FCHSD2: variants seen among roughly 807,000 people sequenced by gnomAD.
FCHSD2 encodes the protein F-BAR and double SH3 domains protein 2.
In FCHSD2, 38 loss-of-function variants were observed where a neutral mutation model predicts 108.1. The ratio of observed to expected loss-of-function variants is 0.35; its 90% CI spans 0.27 to 0.46. The LOEUF (loss-of-function observed/expected upper bound fraction) is 0.46. FCHSD2 is among the 20% of genes least tolerant of loss of function. FCHSD2 has a pLI of 1.00. For missense variants in FCHSD2, 751 were observed against 897.8 expected (o/e 0.84, Z 2.09); for synonymous variants, 279 against 314.7 (o/e 0.89, Z 1.20).
intron 8 of FCHSD2, among the ~76,000 whole-genome samples, chr11:72,958,402 C>T (rs1387447064): frequency 1.3e-5 from 2 of 152,074 alleles, no homozygotes; most frequent in Non-Finnish European, 2.9e-5. Flanking sequence ...CCTGTAGTAC[C>T]AGGTATTTGG....
chr11:72,953,197 G>T (rs535238260), intron 8 of FCHSD2, among the ~76,000 whole-genome samples: 3 of 152,346 alleles, frequency 2.0e-5, no homozygotes, highest in African/African-American at 7.2e-5. Flanking sequence ...CATTCTTTGA[G>T]AAATGGTCTT....
At chr11:72,983,498 A>G (rs1170135916) in intron 8 of FCHSD2, among the ~76,000 whole-genome samples, 1 of 152,030 alleles carries the variant, frequency 6.6e-6, no homozygotes, top group Non-Finnish European at 1.5e-5. Flanking sequence ...AAGCTTCATA[A>G]TTATCATTAG....
chr11:73,135,856 A>G (rs568468753), intron 2 of FCHSD2, among the ~76,000 whole-genome samples: 7 of 152,300 alleles, frequency 4.6e-5, no homozygotes, highest in African/African-American at 1.7e-4. Flanking sequence ...ATTCCAAAAG[A>G]TAAGAACTGG....
At chr11:72,896,398 C>T (rs368035510) in intron 10 of FCHSD2, among the ~76,000 whole-genome samples, 2 of 152,194 alleles carry the variant, frequency 1.3e-5, no homozygotes, top group African/African-American at 2.4e-5. Context: ...ATCCCAGCTT[C>T]GCTTTGTCCT....
intron 3 of FCHSD2, among the ~76,000 whole-genome samples, chr11:73,024,397 T>G (rs1166176475): frequency 1.3e-5 from 2 of 152,178 alleles, no homozygotes. Flanking sequence ...ATAAACATTG[T>G]ACACTAGTTG....
intron 2 of FCHSD2, among the ~76,000 whole-genome samples, chr11:73,132,502 T>C (rs1177397630): frequency 6.6e-6 from 1 of 152,094 alleles, no homozygotes; most frequent in Non-Finnish European, 1.5e-5. Context: ...CCATTACCAG[T>C]GGTTCTCAAA....
chr11:72,947,808 A>G (rs1245602734), intron 8 of FCHSD2, among the ~76,000 whole-genome samples: 1 of 152,240 alleles, frequency 6.6e-6, no homozygotes, highest in Non-Finnish European at 1.5e-5. Context: ...ATCACAGGTA[A>G]TCTCACATAA....
At chr11:72,917,779 T>C (rs1271418419) in intron 9 of FCHSD2, among the ~76,000 whole-genome samples, 1 of 152,094 alleles carries the variant, frequency 6.6e-6, no homozygotes, top group Non-Finnish European at 1.5e-5. Context: ...TTCTAGCTAC[T>C]TGGGATGCTG....
chr11:72,951,898 T>C (rs1345099597), intron 8 of FCHSD2, among the ~76,000 whole-genome samples: 1 of 152,200 alleles, frequency 6.6e-6, no homozygotes, highest in Non-Finnish European at 1.5e-5. Context: ...CCATAAAACT[T>C]AGGGAAAATC....
At chr11:72,954,759 T>C (rs1469265160) in intron 8 of FCHSD2, among the ~76,000 whole-genome samples, 1 of 151,914 alleles carries the variant, frequency 6.6e-6, no homozygotes, top group Non-Finnish European at 1.5e-5. Context: ...GAAAGCCAGA[T>C]TTATCAATGG....
chr11:72,917,642 T>C (rs1382041004), intron 9 of FCHSD2, among the ~76,000 whole-genome samples: 1 of 152,168 alleles, frequency 6.6e-6, no homozygotes, highest in African/African-American at 2.4e-5. Flanking sequence ...TCCCAGCACT[T>C]TGGGAGGCCA....
chr11:72,930,573 C>T (rs867543018), intron 8 of FCHSD2, among the ~76,000 whole-genome samples: 2 of 152,046 alleles, frequency 1.3e-5, no homozygotes, highest in African/African-American at 2.4e-5. Flanking sequence ...GGTGAAACCC[C>T]GTCTCTACCA....
At chr11:73,056,983 T>G (rs1859040489) in intron 3 of FCHSD2, among the ~76,000 whole-genome samples, 1 of 152,064 alleles carries the variant, frequency 6.6e-6, no homozygotes, top group Admixed American at 6.5e-5. Flanking sequence ...CTTGGGAAAC[T>G]GAGGCAGGAG....
chr11:73,116,823 C>T (rs1220525987), intron 2 of FCHSD2, among the ~76,000 whole-genome samples: 2 of 152,186 alleles, frequency 1.3e-5, no homozygotes, highest in Admixed American at 6.5e-5. Context: ...AGGCATGAGC[C>T]ACAGCGCCTG....
intron 5 of FCHSD2, among the ~76,000 whole-genome samples, chr11:72,989,609 C>T (rs978155066): frequency 6.6e-6 from 1 of 152,160 alleles, no homozygotes; most frequent in African/African-American, 2.4e-5. Flanking sequence ...AACCTGGGTA[C>T]CACATAACAA....
chr11:72,922,032 G>T, intron 8 of FCHSD2, 82 bp from the exon 9 acceptor site: 3 of 914,860 alleles, frequency 3.3e-6, no homozygotes, highest in Non-Finnish European at 4.9e-6. Context: ...AGAAAAGTAG[G>T]TATGTTCAGT....
intron 5 of FCHSD2, among the ~76,000 whole-genome samples, chr11:72,998,350 G>A (rs1857559852): frequency 6.6e-6 from 1 of 152,094 alleles, no homozygotes; most frequent in Non-Finnish European, 1.5e-5. Flanking sequence ...GACCAGCCTG[G>A]CCAACATGGT....
intron 8 of FCHSD2, among the ~76,000 whole-genome samples, chr11:72,959,553 G>A (rs1383792404): frequency 6.6e-6 from 1 of 152,026 alleles, no homozygotes; most frequent in Non-Finnish European, 1.5e-5. Flanking sequence ...TTTTTAGTCA[G>A]AAAGGCTCAG....
chr11:72,919,136 A>G (rs1855931651), intron 9 of FCHSD2, among the ~76,000 whole-genome samples: 1 of 152,174 alleles, frequency 6.6e-6, no homozygotes, highest in Non-Finnish European at 1.5e-5. Context: ...AAAAAAATCT[A>G]AAAAGTGTCA....
Sources: gnomAD v4.1 joint callset for allele counts (sites outside exome capture counted in the v4.1 genomes callset) on GRCh38, gnomAD v4.1.1 for gene constraint, MANE v1.5 for transcripts, NCBI Gene and HGNC (gene_info 2026-07-23, HGNC 2026-07-21) for gene names.